The following NTNG1 variants were observed in gnomAD, a reference collection of about 807,000 sequenced individuals.
NTNG1 encodes the protein netrin G1.
NTNG1 carries 16 observed loss-of-function variants against 54.0 expected under a neutral mutation model. That is an observed-to-expected ratio of 0.30 (90% CI 0.20 to 0.45). The LOEUF is 0.45. Among genes scored for constraint, NTNG1 ranks in the 20% least tolerant of loss-of-function variants. The pLI, the probability that NTNG1 is intolerant of heterozygous loss-of-function variation, is 1.00. For synonymous variants in NTNG1, 255 were observed against 263.1 expected, an observed-to-expected ratio of 0.97 and a Z score of 0.30; for missense variants, 530 against 678.7, an observed-to-expected ratio of 0.78 and a Z score of 2.43.
At chr1:107,387,284 C>T (rs1017790267) in intron 3 of NTNG1, among the ~76,000 whole-genome samples, 1 of 152,190 alleles carries the variant, frequency 6.6e-6, no homozygotes, top group Non-Finnish European at 1.5e-5. Context: ...CAGCTAGAAC[C>T]TTAGTGCTAG....
intron 3 of NTNG1, among the ~76,000 whole-genome samples, chr1:107,374,455 T>C (rs1671109603): frequency 6.6e-6 from 1 of 152,174 alleles, no homozygotes; most frequent in Non-Finnish European, 1.5e-5. Flanking sequence ...TGTTTCATTT[T>C]AAACCATTTC....
rs531291299 is a variant in NTNG1, at chr1:107,149,676, CAA to C, written c.246+838_246+839del. Among the ~76,000 whole-genome samples the C allele has an allele frequency of 9.9e-5, 15 of 151,262 alleles. No individual in the cohort carries two copies. The South Asian group carries it at 2.7e-3, about 27-fold the overall frequency. On this transcript the variant is annotated intron_variant, in intron 2 of 7. Coordinates refer to ENST00000370068, the MANE Select transcript of NTNG1 (RefSeq NM_001113226.3). ...GAATTTTTAAGAAAGACATGGCTGACAATATTTCTATAAGTATTAGTAAAGAG... is the reference window on the plus strand; with the variant it reads ...GAATTTTTAAGAAAGACATGGCTGACTATTTCTATAAGTATTAGTAAAGAG...
At chr1:107,475,209 A>G (rs1409497272) in intron 7 of NTNG1, among the ~76,000 whole-genome samples, 1 of 152,182 alleles carries the variant, frequency 6.6e-6, no homozygotes, top group Admixed American at 6.5e-5. Context: ...GGTAAGTGGG[A>G]AAGTCAGCTA....
intron 3 of NTNG1, among the ~76,000 whole-genome samples, chr1:107,337,777 T>G (rs1277620112): frequency 6.6e-6 from 1 of 151,960 alleles, no homozygotes; most frequent in Non-Finnish European, 1.5e-5. Flanking sequence ...ATTCTTGGTT[T>G]TGAGATGGAG....
intron 2 of NTNG1, among the ~76,000 whole-genome samples, chr1:107,287,755 C>A (rs1489516218): frequency 6.6e-6 from 1 of 152,140 alleles, no homozygotes; most frequent in Non-Finnish European, 1.5e-5. Flanking sequence ...TCACTAAACA[C>A]TTTATTTGAA....
chr1:107,298,463 A>T (rs1666115913), intron 2 of NTNG1, among the ~76,000 whole-genome samples: 2 of 152,176 alleles, frequency 1.3e-5, no homozygotes, highest in Non-Finnish European at 2.9e-5. Context: ...AAATCATATG[A>T]TAGGTAACAT....
intron 3 of NTNG1, among the ~76,000 whole-genome samples, chr1:107,335,320 A>G (rs1668516680): frequency 6.6e-6 from 1 of 151,984 alleles, no homozygotes; most frequent in East Asian, 1.9e-4. Context: ...AACCAAAGGG[A>G]CTTAAAATGC....
rs1485764804 is a variant in NTNG1, at chr1:107,483,849, G to A, written c.*3009G>A. On this transcript the variant is annotated 3_prime_UTR_variant, in exon 8 of 8. Coordinates refer to ENST00000370068, the MANE Select transcript of NTNG1 (RefSeq NM_001113226.3). ...AAGGTTCAGCTATCTAGAAAGATTT[G>A]CTATTTATAGGAAGATAATGGACAT... Among the ~76,000 whole-genome samples the A allele has an allele frequency of 6.6e-6, 1 of 152,132 alleles. No individual in the cohort carries two copies. The highest frequency in any genetic ancestry group is 1.9e-4 in the East Asian group (1 of 5,190).
chr1:107,475,252 A>C (rs1212048005), intron 7 of NTNG1, among the ~76,000 whole-genome samples: 1 of 152,188 alleles, frequency 6.6e-6, no homozygotes, highest in Non-Finnish European at 1.5e-5. Context: ...GGCACTGTGC[A>C]ATATTATTTA....
chr1:107,191,368 T>G (rs991014235), intron 2 of NTNG1, among the ~76,000 whole-genome samples: 29 of 152,298 alleles, frequency 1.9e-4, no homozygotes, highest in Admixed American at 4.6e-4. Context: ...TTTCTCCCAT[T>G]CTGTAGGTTG....
At chr1:107,314,824 T>C (rs957587941) in intron 2 of NTNG1, among the ~76,000 whole-genome samples, 3 of 152,208 alleles carry the variant, frequency 2.0e-5, no homozygotes, top group African/African-American at 7.2e-5. Context: ...ATTTATTAAA[T>C]TTAGCAAGTA....
chr1:107,279,354 G>A (rs1664680986), intron 2 of NTNG1, among the ~76,000 whole-genome samples: 2 of 152,086 alleles, frequency 1.3e-5, no homozygotes, highest in Admixed American at 6.6e-5. Context: ...AAAATTGGTT[G>A]TATATTGTCA....
chr1:107,353,833 C>T (rs1169156464), intron 3 of NTNG1, among the ~76,000 whole-genome samples: 1 of 152,150 alleles, frequency 6.6e-6, no homozygotes, highest in Non-Finnish European at 1.5e-5. Flanking sequence ...CTGGGGAGGC[C>T]TCAGGTTGCT....
At position 107,455,720 on chromosome 1, in the gene NTNG1, C is replaced by A. The variant is rs556559659; in HGVS notation, c.1390+18921C>A. On this transcript the variant is annotated intron_variant, in intron 7 of 7. Coordinates refer to ENST00000370068, the MANE Select transcript of NTNG1 (RefSeq NM_001113226.3). ...ATGACAAGAACAATACGCGGATGAG[C>A]CTTTTACTGTGGTAGCAACTTTCAT... The A allele has an allele frequency of 5.7e-5, 22 of 388,554 alleles. No homozygotes were observed. The East Asian group carries it at 1.6e-3, about 28-fold the overall frequency. 24.1% of individuals were successfully genotyped at this position (388,554 alleles called of 1,614,324 possible). A position where few individuals can be genotyped will look rare whatever the true frequency, so the allele number is the denominator to read the frequency against.
At chr1:107,246,214 G>C (rs982795310) in intron 2 of NTNG1, among the ~76,000 whole-genome samples, 35 of 152,114 alleles carry the variant, frequency 2.3e-4, no homozygotes, top group African/African-American at 8.0e-4. Context: ...ACCACGCCTG[G>C]CTAATTATTT....
At chr1:107,472,447 A>G (rs937500366) in intron 7 of NTNG1, among the ~76,000 whole-genome samples, 1 of 152,244 alleles carries the variant, frequency 6.6e-6, no homozygotes, top group Non-Finnish European at 1.5e-5. Context: ...CAACTAGAAT[A>G]CAAGCCCCTC....
chr1:107,324,801 T>G lies in NTNG1; in HGVS notation c.766T>G (p.Phe256Val). ...QLDTTKKLRD[F>V]FTVTDLRIRL... ...GGATACAACCAAGAAACTCAGAGAT[T>G]TCTTTACAGTCACAGACCTGAGGAT... is the stretch of plus-strand genomic sequence containing the variant. The change falls in exon 3 of 8, where the codon TTC becomes GTC. Residue 256 changes from phenylalanine to valine, a missense_variant. Around this residue, in one of 2 missense-constraint regions of NTNG1, gnomAD observed 318 missense variants for 465.1 expected, o/e 0.68. Coordinates refer to ENST00000370068, the MANE Select transcript of NTNG1 (RefSeq NM_001113226.3). 6.2e-7 allele frequency: 1 copy of G among 1,613,614 alleles called. No homozygotes were observed. The highest frequency in any genetic ancestry group is 8.5e-7 in the Non-Finnish European group (1 of 1,179,762).
At chr1:107,340,015 A>G (rs1400606542) in intron 3 of NTNG1, among the ~76,000 whole-genome samples, 1 of 152,058 alleles carries the variant, frequency 6.6e-6, no homozygotes, top group Non-Finnish European at 1.5e-5. Flanking sequence ...GAGGAGGAAG[A>G]GCAGCAGCCC....
In NTNG1 at chr1:107,302,201, A is replaced by C. The variant is rs560481075; in HGVS notation, c.247-22081A>C. Among the ~76,000 whole-genome samples, 5 of 152,240 alleles carry C rather than the reference A, an allele frequency of 3.3e-5. No homozygotes were observed. In the South Asian group the frequency reaches 1.0e-3, roughly 32 times the overall value. On this transcript the variant is annotated intron_variant, in intron 2 of 7. Coordinates refer to ENST00000370068, the MANE Select transcript of NTNG1 (RefSeq NM_001113226.3). ...TGTACGTGGAGTACCATGGCCTTTC[A>C]CAAAACTTGCTAGCATAGCTTCACT... is the stretch of plus-strand genomic sequence containing the variant.
Sources: allele counts gnomAD v4.1 joint callset (sites outside exome capture counted in the v4.1 genomes callset), GRCh38; gene constraint gnomAD v4.1.1; regional missense constraint gnomAD v4.1.1; transcripts MANE v1.5; gene names NCBI Gene and HGNC (gene_info 2026-07-23, HGNC 2026-07-21).